Variants in FSHR observed in about 807,000 individuals in gnomAD.
The protein encoded by FSHR is follicle stimulating hormone receptor, also known as follicle-stimulating hormone receptor.
FSHR carries 46 observed loss-of-function variants against 52.1 expected under a neutral mutation model. The observed-to-expected ratio is 0.88, with a 90% CI of 0.70 to 1.13. FSHR has a LOEUF of 1.13. FSHR is among the 50% of genes most tolerant of loss of function. The probability of loss-of-function intolerance (pLI) is 0.00; values close to 1 mark genes in which losing one functional copy is unlikely to be tolerated. For synonymous variants in FSHR, 399 were observed against 309.6 expected, an observed-to-expected ratio of 1.29 and a Z score of -3.03; for missense variants, 964 against 834.6, an observed-to-expected ratio of 1.16 and a Z score of -1.91.
At chr2:49,001,042 T>C (rs1018571761) in intron 4 of FSHR, among the ~76,000 whole-genome samples, 4 of 152,128 alleles carry the variant, frequency 2.6e-5, no homozygotes, top group African/African-American at 9.7e-5. Flanking sequence ...ACAATAGCCT[T>C]CTAAGGTAAA....
At chr2:49,129,015 A>G (rs1391257682) in intron 1 of FSHR, among the ~76,000 whole-genome samples, 1 of 151,180 alleles carries the variant, frequency 6.6e-6, no homozygotes, top group Non-Finnish European at 1.5e-5. Flanking sequence ...GTTAAAGCAT[A>G]TGAATCATCC....
chr2:49,120,530 T>C (rs1015708483), intron 1 of FSHR, among the ~76,000 whole-genome samples: 31 of 152,304 alleles, frequency 2.0e-4, no homozygotes, highest in African/African-American at 7.5e-4. Flanking sequence ...TGATATAATA[T>C]TATGTCCTTG....
At chr2:49,132,043 C>T (rs1672297329) in intron 1 of FSHR, among the ~76,000 whole-genome samples, 1 of 152,148 alleles carries the variant, frequency 6.6e-6, no homozygotes, top group Non-Finnish European at 1.5e-5. Context: ...GCATGTGTGT[C>T]TTTAGCTGCA....
chr2:49,004,971 C>T (rs1667027876), intron 4 of FSHR, among the ~76,000 whole-genome samples: 1 of 152,154 alleles, frequency 6.6e-6, no homozygotes, highest in South Asian at 2.1e-4. Context: ...TAGAAATTTT[C>T]TCTCCCTCTT....
At chr2:48,990,858 A>G (rs1218230130) in intron 4 of FSHR, among the ~76,000 whole-genome samples, 1 of 151,368 alleles carries the variant, frequency 6.6e-6, no homozygotes, top group Non-Finnish European at 1.5e-5. Context: ...CTTACACTTC[A>G]GTCACAAGGG....
At chr2:49,109,498 G>C (rs1376367987) in intron 1 of FSHR, among the ~76,000 whole-genome samples, 2 of 152,140 alleles carry the variant, frequency 1.3e-5, no homozygotes, top group Non-Finnish European at 2.9e-5. Context: ...AATGGTGAGA[G>C]AGCCTCCCCT....
At chr2:49,044,841 G>A (rs1217684360) in intron 2 of FSHR, among the ~76,000 whole-genome samples, 1 of 152,152 alleles carries the variant, frequency 6.6e-6, no homozygotes, top group Non-Finnish European at 1.5e-5. Flanking sequence ...CTTCTTCCCT[G>A]AGATACAGTT....
intron 6 of FSHR, among the ~76,000 whole-genome samples, chr2:48,985,938 T>A (rs575565184): frequency 1.3e-4 from 19 of 151,764 alleles, no homozygotes; most frequent in Non-Finnish European, 1.6e-4. Flanking sequence ...TGGTCTCGAT[T>A]TCCTGACCTC....
chr2:49,116,950 T>C (rs10495967), intron 1 of FSHR, among the ~76,000 whole-genome samples: 8,222 of 152,226 alleles, frequency 0.054, 715 homozygotes, highest in African/African-American at 0.19. Flanking sequence ...AATGGAAACA[T>C]TTTCAATCCA....
chr2:48,990,611 T>C lies in FSHR; in HGVS notation c.401A>G (p.His134Arg). The C allele has an allele frequency of 6.2e-7, 1 of 1,611,976 alleles. No individual in the cohort carries two copies. Among genetic ancestry groups the C allele is most frequent in the Non-Finnish European group, 8.5e-7 (1 of 1,178,092 alleles). The change falls in exon 5 of 10, where the codon CAC (histidine) becomes CGC (arginine). Residue 134 changes from histidine to arginine, a missense_variant. Transcript: ENST00000406846. ...YLLISNTGIK[H>R]LPDVHKIHSL... ...ATGAATCTTGTGAACATCTGGAAGG[T>C]GCTTAATACCTGTGTTGGATATTAA...
At chr2:49,059,726 A>G (rs547893183) in intron 2 of FSHR, 76 of 152,402 alleles carry the variant, frequency 5.0e-4, no homozygotes, top group African/African-American at 1.6e-3. Flanking sequence ...ACATGGATCA[A>G]ATTCCTAAAT....
intron 1 of FSHR, among the ~76,000 whole-genome samples, chr2:49,085,967 G>GT (rs1383032242): frequency 6.6e-6 from 1 of 151,818 alleles, no homozygotes; most frequent in African/African-American, 2.4e-5. Context: ...CCTGTTGTGG[G>GT]GGGGGGGAGT....
intron 6 of FSHR, among the ~76,000 whole-genome samples, chr2:48,983,871 C>T (rs868702469): frequency 1.3e-5 from 2 of 151,986 alleles, no homozygotes; most frequent in African/African-American, 4.8e-5. Flanking sequence ...ATCCTGATTG[C>T]GCTAAGAAGG....
chr2:49,066,256 G>C (rs1015693676), intron 2 of FSHR, among the ~76,000 whole-genome samples: 3 of 152,038 alleles, frequency 2.0e-5, no homozygotes, highest in Non-Finnish European at 2.9e-5. Flanking sequence ...TTGGTCACAT[G>C]TGCAGAATGA....
intron 1 of FSHR, among the ~76,000 whole-genome samples, chr2:49,116,516 A>G (rs1671605827): frequency 6.6e-6 from 1 of 152,190 alleles, no homozygotes; most frequent in African/African-American, 2.4e-5. Context: ...GGACTTCCTA[A>G]TAAAGCTGTT....
chr2:49,017,509 G>A lies in FSHR; in HGVS notation c.354C>T (p.Asn118=), dbSNP rs141135052. The change falls in exon 4 of 10, where the codon AAC becomes AAT. Residue 118 remains asparagine (N), a synonymous_variant. Coordinates refer to ENST00000406846, the MANE Select transcript of FSHR (RefSeq NM_000145.4). ...CTTACAGATATTGAAGGTTGGGAAGGTTCTGGAAGGCCTCAGGGTTGATGT... is the reference window on the plus strand; with the variant it reads ...CTTACAGATATTGAAGGTTGGGAAGATTCTGGAAGGCCTCAGGGTTGATGT... ...LLYINPEAFQ[N]LPNLQYLLIS... is the part of the protein sequence containing the mutation. The A allele has an allele frequency of 3.1e-6, 5 of 1,613,242 alleles. No homozygotes were observed. The highest frequency in any genetic ancestry group is 8.5e-7 in the Non-Finnish European group (1 of 1,179,408).
chr2:49,119,467 C>T (rs1382314643), intron 1 of FSHR, among the ~76,000 whole-genome samples: 2 of 151,280 alleles, frequency 1.3e-5, no homozygotes, highest in Non-Finnish European at 2.9e-5. Context: ...AAAATATTTT[C>T]TTAATTTCCC....
At chr2:49,039,375 T>G in intron 2 of FSHR, among the ~76,000 whole-genome samples, 1 of 152,212 alleles carries the variant, frequency 6.6e-6, no homozygotes, top group East Asian at 1.9e-4. Context: ...AATGACAACA[T>G]ATCACAGAGT....
At chr2:49,095,459 G>A (rs917664570) in intron 1 of FSHR, among the ~76,000 whole-genome samples, 19 of 152,058 alleles carry the variant, frequency 1.2e-4, no homozygotes, top group African/African-American at 7.2e-5. Context: ...ACCTCACATC[G>A]TTTGTAAATA....
Sources: allele counts gnomAD v4.1 joint callset (sites outside exome capture counted in the v4.1 genomes callset), GRCh38; gene constraint gnomAD v4.1.1; transcripts MANE v1.5; gene names NCBI Gene and HGNC (gene_info 2026-07-23, HGNC 2026-07-21).